VDR: variants seen among roughly 807,000 people sequenced by gnomAD.
VDR encodes vitamin D receptor.
Under a neutral mutation model 39.7 loss-of-function variants are expected in VDR, and 19 were observed. The observed-to-expected ratio is 0.48, with a 90% confidence interval of 0.33 to 0.70. The LOEUF is 0.70. Among genes scored for constraint, VDR ranks in the 30% least tolerant of loss-of-function variants. The pLI is 0.02. For synonymous variants in VDR, 242 were observed against 215.8 expected, an observed-to-expected ratio of 1.12 and a Z score of -1.07; for missense variants, 442 against 570.5, an observed-to-expected ratio of 0.77 and a Z score of 2.29.
intron 2 of VDR, 69 bp downstream of exon 2, chr12:47,882,625 C>CA: frequency 1.9e-6 from 1 of 526,224 alleles, no homozygotes; most frequent in Non-Finnish European, 3.4e-6. Context: ...CTTCTTATGC[C>CA]CCTCCCCCCC....
intron 1 of VDR, among the ~76,000 whole-genome samples, chr12:47,900,853 G>A (rs1946545105): frequency 6.6e-6 from 1 of 152,186 alleles, no homozygotes; most frequent in African/African-American, 2.4e-5. Context: ...CGGTGCAGCT[G>A]CCCACACCCT....
At chr12:47,869,740 A>G (rs1008057825) in intron 3 of VDR, among the ~76,000 whole-genome samples, 3 of 151,690 alleles carry the variant, frequency 2.0e-5, no homozygotes, top group African/African-American at 7.3e-5. Context: ...ACAAAAGATT[A>G]AAAAAAATTA....
intron 3 of VDR, among the ~76,000 whole-genome samples, chr12:47,873,709 G>C (rs1254593313): frequency 6.6e-6 from 1 of 152,198 alleles, no homozygotes; most frequent in Non-Finnish European, 1.5e-5. Context: ...CTTTATAGCA[G>C]TGTGAATATG....
intron 3 of VDR, among the ~76,000 whole-genome samples, chr12:47,869,535 CAAAAAAAAAAAAAA>C (rs33940574): frequency 1.4e-5 from 1 of 68,968 alleles, no homozygotes; most frequent in Admixed American, 2.1e-4. Context: ...GACTCCATCT[CAAAAAAAAAAAAAA>C]AAAAAAAAAA....
In VDR at chr12:47,843,817, G is replaced by A. The variant is rs958747552; in HGVS notation, c.*929C>T. On this transcript the variant is annotated 3_prime_UTR_variant, in exon 10 of 10. Transcript: ENST00000549336. ...TCTCCTCCATCCCACCCTGCCAGAT[G>A]GAGAAGATGCGGCTCACTGCTTCTC... 4.6e-5 allele frequency: 7 copies of A among 152,100 alleles called. No homozygotes were observed. Among genetic ancestry groups the A allele is most frequent in the Non-Finnish European group, 8.8e-5 (6 of 68,020 alleles). The allele number at this position is 152,100 out of a possible 1,614,324, so 9.4% of individuals were successfully genotyped here.
In VDR at chr12:47,855,704, C is replaced by T; in HGVS notation, c.681G>A (p.Leu227=). 1 of 1,614,128 alleles carries T rather than the reference C, an allele frequency of 6.2e-7. No individual in the cohort carries two copies. The highest frequency in any genetic ancestry group is 1.1e-5 in the South Asian group (1 of 91,076). ...VTLELSQLSM[L]PHLADLVSYS... The stretch of plus-strand genomic sequence containing the variant: ...AACTGACCAGGTCAGCCAGGTGGGG[C>T]AGCATGGAGAGCTGGGACAGCTCTA... Residue 227 remains leucine (L), a synonymous_variant, in exon 7 of 10, where the codon CTG becomes CTA. Coordinates refer to ENST00000549336, the MANE Select transcript of VDR (RefSeq NM_000376.3).
intron 5 of VDR, 99 bp from the exon 6 acceptor site, chr12:47,857,348 G>A: frequency 6.2e-7 from 1 of 1,608,124 alleles, no homozygotes; most frequent in Non-Finnish European, 8.5e-7. Context: ...AGGTCTACAG[G>A]AAGGCGAAGC....
At chr12:47,872,511 G>C (rs1453795141) in intron 3 of VDR, among the ~76,000 whole-genome samples, 1 of 152,212 alleles carries the variant, frequency 6.6e-6, no homozygotes, top group Non-Finnish European at 1.5e-5. Flanking sequence ...AGGCAGCAGA[G>C]TTTGAAACCA....
chr12:47,891,590 G>A (rs1261638837), intron 1 of VDR, among the ~76,000 whole-genome samples: 1 of 152,126 alleles, frequency 6.6e-6, no homozygotes, highest in Non-Finnish European at 1.5e-5. Context: ...AAAACTTCTT[G>A]GGGTGAGGAG....
Position 47,882,777 on chromosome 12 carries a change from G to A in VDR, c.-83-3C>T, listed in dbSNP as rs1328230969. ...AGACACTTCAGACCCAAAGGCTTCT[G>A]AAATGAAGAAGGGGAAACCTTTTAT... On this transcript the variant is annotated splice_region_variant and splice_polypyrimidine_tract_variant and intron_variant, in intron 1 of 9. Transcript: ENST00000549336. 6.5e-7 allele frequency: 1 copy of A among 1,535,052 alleles called. No individual in the cohort carries two copies. Among genetic ancestry groups the A allele is most frequent in the Non-Finnish European group, 8.7e-7 (1 of 1,146,314 alleles).
chr12:47,859,846 C>T (rs1196321445), intron 4 of VDR, among the ~76,000 whole-genome samples: 1 of 69,382 alleles, frequency 1.4e-5, no homozygotes, highest in Admixed American at 1.4e-4. Context: ...CTTTCCCTTC[C>T]TTCCTTCCTT....
At chr12:47,884,185 C>T (rs780401655) in intron 1 of VDR, among the ~76,000 whole-genome samples, 1 of 152,200 alleles carries the variant, frequency 6.6e-6, no homozygotes, top group Non-Finnish European at 1.5e-5. Context: ...GCTTTCCTAT[C>T]CTCAATCCCT....
intron 3 of VDR, among the ~76,000 whole-genome samples, chr12:47,865,541 A>T (rs1385490921): frequency 6.6e-6 from 1 of 151,906 alleles, no homozygotes; most frequent in Non-Finnish European, 1.5e-5. Flanking sequence ...CCTCCAGTAT[A>T]GCTGGGATTA....
chr12:47,857,782 G>A, intron 4 of VDR, 94 bp from the exon 5 acceptor site: 2 of 1,412,814 alleles, frequency 1.4e-6, no homozygotes, highest in South Asian at 1.3e-5. Context: ...AAGATAGGAG[G>A]GGCTTTAACA....
In VDR at chr12:47,846,392, G is replaced by A; in HGVS notation, c.967C>T (p.Leu323=). ...LIKFQVGLKK[L]NLHEEEHVLL... Reference sequence around the variant, plus strand: ...ACATGCTCCTCCTCATGCAAGTTCAGCTTCTTCAGTCCCACCTGGAACTTG... The same window carrying A: ...ACATGCTCCTCCTCATGCAAGTTCAACTTCTTCAGTCCCACCTGGAACTTG... Residue 323 remains leucine (L), a synonymous_variant, in exon 9 of 10, where the codon CTG becomes TTG. Coordinates refer to ENST00000549336, the MANE Select transcript of VDR (RefSeq NM_000376.3). 6.3e-7 allele frequency: 1 copy of A among 1,587,446 alleles called. No homozygotes were observed. Among genetic ancestry groups the A allele is most frequent in the Non-Finnish European group, 8.6e-7 (1 of 1,167,030 alleles).
At position 47,882,758 on chromosome 12, in the gene VDR, T is replaced by C. The variant is rs995764465; in HGVS notation, c.-67A>G. ...CTCTTCTGTGAGGTCTCACAGACAC[T>C]TCAGACCCAAAGGCTTCTGAAATGA... is the stretch of plus-strand genomic sequence containing the variant. On this transcript the variant is annotated 5_prime_UTR_variant, in exon 2 of 10. Coordinates refer to ENST00000549336, the MANE Select transcript of VDR (RefSeq NM_000376.3). The C allele has an allele frequency of 1.1e-5, 17 of 1,534,544 alleles. No homozygotes were observed. Among genetic ancestry groups the C allele is most frequent in the Non-Finnish European group, 1.5e-5 (17 of 1,146,304 alleles).
chr12:47,882,648 G>GGC, intron 2 of VDR, 46 bp downstream of exon 2: 1 of 214,162 alleles, frequency 4.7e-6, no homozygotes, highest in Non-Finnish European at 8.0e-6. Flanking sequence ...CCCGCCCCTT[G>GGC]AAAACAGAAA....
rs1040084396 is a variant in VDR, at chr12:47,843,958, G to C, written c.*788C>G. 1.3e-5 allele frequency: 2 copies of C among 152,348 alleles called. No individual in the cohort carries two copies. The highest frequency in any genetic ancestry group is 2.4e-5 in the African/African-American group (1 of 41,314). 9.4% of individuals were successfully genotyped at this position (152,348 alleles called of 1,614,324 possible). On this transcript the variant is annotated 3_prime_UTR_variant, in exon 10 of 10. Transcript: ENST00000549336. ...GCAGGAGGTAAGGCACTGGCAGGGGGAGGACGAGGTCGGCAGGTGCTTTTC... is the reference window on the plus strand; with the variant it reads ...GCAGGAGGTAAGGCACTGGCAGGGGCAGGACGAGGTCGGCAGGTGCTTTTC...
Position 47,842,603 on chromosome 12 carries a change from TTGC to T in VDR, c.*2140_*2142del, listed in dbSNP as rs1565603641. ...CTCCTGAGTAGCTGGGATTACAGGC[TTGC>T]GCCACCATGCCCGGCTATTTTTTTT... On this transcript the variant is annotated 3_prime_UTR_variant, in exon 10 of 10. Transcript: ENST00000549336. 1 of 150,302 alleles carries T rather than the reference TTGC, an allele frequency of 6.7e-6. No individual in the cohort carries two copies. Among genetic ancestry groups the T allele is most frequent in the East Asian group, 2.0e-4 (1 of 5,104 alleles). The allele number at this position is 150,302 out of a possible 1,614,324, so 9.3% of individuals were successfully genotyped here. A position where few individuals can be genotyped will look rare whatever the true frequency, so the allele number is the denominator to read the frequency against.
Sources: gnomAD v4.1 joint callset for allele counts (sites outside exome capture counted in the v4.1 genomes callset) on GRCh38, gnomAD v4.1.1 for gene constraint, MANE v1.5 for transcripts, NCBI Gene and HGNC (gene_info 2026-07-23, HGNC 2026-07-21) for gene names.